SYNE2: variants seen among roughly 807,000 people sequenced by gnomAD.
SYNE2 encodes the protein spectrin repeat containing nuclear envelope protein 2.
In SYNE2, 431 loss-of-function variants were observed where a neutral mutation model predicts 856.3. The ratio of observed to expected loss-of-function variants is 0.50; its 90% CI spans 0.47 to 0.55. SYNE2 has a LOEUF of 0.55. Among genes scored for constraint, SYNE2 ranks in the 20% least tolerant of loss-of-function variants. The pLI is 0.00. For synonymous variants in SYNE2, 2,923 were observed against 2,872.3 expected, an observed-to-expected ratio of 1.02 and a Z score of -0.56; for missense variants, 8,129 against 8,023.2, an observed-to-expected ratio of 1.01 and a Z score of -0.50.
chr14:63,778,896 C>CAGTCTCCCAAAGTGTTGGG (rs1566560856), intron 1 of SYNE2, among the ~76,000 whole-genome samples: 3 of 151,560 alleles, frequency 2.0e-5, no homozygotes, highest in Admixed American at 6.6e-5. Context: ...CCTCCTGCCT[C>CAGTCTCCCAAAGTGTTGGG]AGTCTCCCAA....
At chr14:63,976,801 C>T (rs2096546993) in intron 12 of SYNE2, 74 bp downstream of exon 12, 1 of 1,511,298 alleles carries the variant, frequency 6.6e-7, no homozygotes, top group Non-Finnish European at 9.2e-7. Context: ...AGACTTTGTC[C>T]TAAAAAGAAG....
chr14:64,151,393 A>G (rs1595862227), intron 84 of SYNE2, among the ~76,000 whole-genome samples: 1 of 141,778 alleles, frequency 7.1e-6, no homozygotes, highest in East Asian at 2.3e-4. Flanking sequence ...TTCCTTATGG[A>G]CCATGCAGTG....
intron 99 of SYNE2, among the ~76,000 whole-genome samples, chr14:64,199,458 C>T (rs2098552457): frequency 6.6e-6 from 1 of 152,108 alleles, no homozygotes; most frequent in East Asian, 1.9e-4. Context: ...GAAATGATGC[C>T]TGTAATCCTA....
chr14:63,807,506 G>A (rs775801266), intron 1 of SYNE2, among the ~76,000 whole-genome samples: 2 of 152,072 alleles, frequency 1.3e-5, no homozygotes, highest in Non-Finnish European at 2.9e-5. Context: ...AAAGCTGTCT[G>A]AGATTAGATG....
intron 96 of SYNE2, among the ~76,000 whole-genome samples, chr14:64,185,900 A>G (rs1292477131): frequency 2.0e-5 from 3 of 152,170 alleles, no homozygotes; most frequent in Non-Finnish European, 4.4e-5. Context: ...AGAAAAGTTT[A>G]TTTTTTCTTC....
At chr14:64,049,427 C>G (rs2097208280) in intron 46 of SYNE2, 184 bp from the exon 47 acceptor site, 1 of 72,286 alleles carries the variant, frequency 1.4e-5, no homozygotes. Context: ...GCCTGGGTGA[C>G]AAAATAATAA....
rs1434383252 is a variant in SYNE2 at position 64,225,634 on chromosome 14, C to G, written c.*108C>G. The G allele has an allele frequency of 8.2e-7, 1 of 1,218,842 alleles. No homozygotes were observed. Among genetic ancestry groups the G allele is most frequent in the South Asian group, 1.3e-5 (1 of 77,950 alleles). The allele number at this position is 1,218,842 out of a possible 1,614,324, so 75.5% of individuals were successfully genotyped here. Reference sequence around the variant, plus strand: ...CTTAGTGTTGGCAAGGTCCCGGGACCTGTGCAGACTTCTTCTGGGCTTACC... The same window carrying G: ...CTTAGTGTTGGCAAGGTCCCGGGACGTGTGCAGACTTCTTCTGGGCTTACC... On this transcript the variant is annotated 3_prime_UTR_variant, in exon 116 of 116. Coordinates refer to ENST00000555002, the MANE Select transcript of SYNE2 (RefSeq NM_182914.3).
At chr14:64,046,160 T>A (rs1257964688) in intron 45 of SYNE2, among the ~76,000 whole-genome samples, 2 of 152,202 alleles carry the variant, frequency 1.3e-5, no homozygotes, top group African/African-American at 4.8e-5. Flanking sequence ...TTCATACATC[T>A]CAGGGCTCCA....
chr14:63,977,990 C>T lies in SYNE2; in HGVS notation c.1379C>T (p.Pro460Leu), dbSNP rs374622057. Residue 460 changes from proline (P) to leucine (L), a missense_variant, in exon 13 of 116, where the codon CCT (proline) becomes CTT (leucine). Around this residue, in one of 3 missense-constraint regions of SYNE2, gnomAD observed 2,422 missense variants for 2,357.4 expected, o/e 1.03. Transcript: ENST00000555002. ...KDENHLPLVP[P>L]NKLEEMKRRI... ...GAAAATCACTTGCCATTGGTACCACCTAACAAATTGGAGGAAATGAAAAGA... is the reference window on the plus strand; with the variant it reads ...GAAAATCACTTGCCATTGGTACCACTTAACAAATTGGAGGAAATGAAAAGA... The T allele has an allele frequency of 6.8e-6, 11 of 1,612,804 alleles. No individual in the cohort carries two copies. The highest frequency in any genetic ancestry group is 6.8e-6 in the Non-Finnish European group (8 of 1,178,888).
chr14:64,185,623 C>T (rs1419874506), intron 96 of SYNE2, among the ~76,000 whole-genome samples: 1 of 147,178 alleles, frequency 6.8e-6, no homozygotes, highest in Non-Finnish European at 1.5e-5. Context: ...TGGGTTCAAG[C>T]AATTCTCCTG....
chr14:64,146,861 G>A lies in SYNE2; in HGVS notation c.15639+638G>A, dbSNP rs546753156. On this transcript the variant is annotated intron_variant, in intron 84 of 115. Transcript: ENST00000555002. The stretch of plus-strand genomic sequence containing the variant: ...GCTGTGCTGTTTCTGCACTTCCTGC[G>A]TGACGGCCTTACAATAGTCACTGTC... 1.2e-4 allele frequency among the ~76,000 whole-genome samples: 19 copies of A among 152,350 alleles called. 1 individual carries two copies. In the South Asian group the frequency reaches 1.7e-3, roughly 13 times the overall value.
chr14:64,207,505 A>T (rs1377210190), intron 100 of SYNE2, among the ~76,000 whole-genome samples: 2 of 151,292 alleles, frequency 1.3e-5, no homozygotes, highest in African/African-American at 4.9e-5. Flanking sequence ...GGTTTCCGTG[A>T]GCCAAGATCG....
chr14:63,988,601 A>G (rs1435244246), intron 19 of SYNE2, among the ~76,000 whole-genome samples: 1 of 152,192 alleles, frequency 6.6e-6, no homozygotes, highest in African/African-American at 2.4e-5. Context: ...CTATTTTATC[A>G]TACCCATGTA....
intron 1 of SYNE2, among the ~76,000 whole-genome samples, chr14:63,814,659 TATATATATCCATATATATCC>T (rs553021522): frequency 6.4e-5 from 5 of 78,178 alleles, no homozygotes; most frequent in South Asian, 5.2e-4. Flanking sequence ...ATATAATCCT[TATATATATCCATATATATCC>T]ATATATATCC....
chr14:64,112,940 T>C, intron 65 of SYNE2: 9 of 934,684 alleles, frequency 9.6e-6, no homozygotes, highest in Non-Finnish European at 1.1e-5. Context: ...GTTTTTCTGT[T>C]GGAATAGAGT....
chr14:63,913,883 T>C (rs1008766858), intron 2 of SYNE2, among the ~76,000 whole-genome samples: 1 of 152,140 alleles, frequency 6.6e-6, no homozygotes, highest in East Asian at 1.9e-4. Context: ...TAAAAAAATA[T>C]ATACGGGGGA....
At chr14:63,831,529 A>G (rs926856473) in intron 1 of SYNE2, among the ~76,000 whole-genome samples, 1 of 147,046 alleles carries the variant, frequency 6.8e-6, no homozygotes, top group Non-Finnish European at 1.5e-5. Context: ...AATAGATAAT[A>G]TTAGAATATA....
chr14:64,072,009 A>G (rs946864601), intron 52 of SYNE2, among the ~76,000 whole-genome samples: 5 of 152,204 alleles, frequency 3.3e-5, no homozygotes, highest in Non-Finnish European at 7.4e-5. Context: ...TCCATCTCAA[A>G]AAATAAAAAT....
Position 64,159,373 on chromosome 14 carries a change from G to T in SYNE2, c.16025G>T (p.Gly5342Val). Residue 5342 changes from glycine to valine, a missense_variant, in exon 87 of 116, where the codon GGC (glycine) becomes GTC (valine). This residue lies in a region of SYNE2 where 5,410 missense variants were observed against 5,284.8 expected (regional missense o/e 1.02). Transcript: ENST00000555002. ...GSWEKLQEVIGKLKGLCPSVA... is the reference protein window; with the variant it reads ...GSWEKLQEVIVKLKGLCPSVA... ...TGGGAGAAACTCCAGGAGGTTATCG[G>T]CAAACTCAAAGGTCTCTGCCCCTCT... 1 of 1,613,946 alleles carries T rather than the reference G, an allele frequency of 6.2e-7. No individual in the cohort carries two copies. Among genetic ancestry groups the T allele is most frequent in the Non-Finnish European group, 8.5e-7 (1 of 1,179,880 alleles).
Sources: allele counts gnomAD v4.1 joint callset (sites outside exome capture counted in the v4.1 genomes callset), GRCh38; gene constraint gnomAD v4.1.1; regional missense constraint gnomAD v4.1.1; transcripts MANE v1.5; gene names NCBI Gene and HGNC (gene_info 2026-07-23, HGNC 2026-07-21).